KDM4B: variants seen among roughly 807,000 people sequenced by gnomAD.
KDM4B encodes lysine demethylase 4B.
A neutral mutation model predicts 125.2 loss-of-function variants in KDM4B; 32 were observed. The ratio of observed to expected loss-of-function variants is 0.26; its 90% CI spans 0.19 to 0.34. KDM4B has a LOEUF of 0.34. KDM4B is among the 10% of genes least tolerant of loss of function. The pLI, the probability that KDM4B is intolerant of heterozygous loss-of-function variation, is 1.00. For missense variants in KDM4B, 1,190 were observed against 1,577.7 expected, an observed-to-expected ratio of 0.75 and a Z score of 4.16; for synonymous variants, 721 against 677.9, an observed-to-expected ratio of 1.06 and a Z score of -0.99.
intron 2 of KDM4B, among the ~76,000 whole-genome samples, chr19:5,018,458 C>T (rs543720424): frequency 1.3e-5 from 2 of 152,328 alleles, no homozygotes; most frequent in African/African-American, 2.4e-5. Flanking sequence ...CTCCTGCTTC[C>T]GAAGGCCTGG....
chr19:4,972,729 A>C (rs934496647), intron 1 of KDM4B, among the ~76,000 whole-genome samples: 4 of 151,452 alleles, frequency 2.6e-5, no homozygotes, highest in Non-Finnish European at 5.9e-5. Flanking sequence ...TTTCCTCCCC[A>C]CTCACCCTTT....
At chr19:5,116,758 C>A (rs2039264132) in intron 10 of KDM4B, among the ~76,000 whole-genome samples, 1 of 152,166 alleles carries the variant, frequency 6.6e-6, no homozygotes, top group Non-Finnish European at 1.5e-5. Context: ...GCCCGAGTTG[C>A]TCTGTGGCTC....
At chr19:5,057,224 C>A (rs2037439417) in intron 6 of KDM4B, among the ~76,000 whole-genome samples, 1 of 152,180 alleles carries the variant, frequency 6.6e-6, no homozygotes, top group African/African-American at 2.4e-5. Context: ...TTGCCTCTCC[C>A]CTTTGCCAGG....
chr19:5,037,392 C>T (rs2036662740), intron 3 of KDM4B, among the ~76,000 whole-genome samples: 1 of 152,200 alleles, frequency 6.6e-6, no homozygotes, highest in African/African-American at 2.4e-5. Context: ...CCTTTCCACT[C>T]CTCAATGTCT....
chr19:5,136,136 C>T (rs1430425335), intron 15 of KDM4B, among the ~76,000 whole-genome samples: 1 of 152,236 alleles, frequency 6.6e-6, no homozygotes, highest in African/African-American at 2.4e-5. Flanking sequence ...ACAGTTCTGC[C>T]GAGTCTTCTC....
At chr19:5,083,684 A>G (rs1277978284) in intron 9 of KDM4B, among the ~76,000 whole-genome samples, 1 of 152,178 alleles carries the variant, frequency 6.6e-6, no homozygotes, top group Non-Finnish European at 1.5e-5. Context: ...TTCCCCGCAG[A>G]GACAGCCTCA....
chr19:4,988,245 C>T (rs537605209), intron 1 of KDM4B, among the ~76,000 whole-genome samples: 3 of 152,220 alleles, frequency 2.0e-5, no homozygotes, highest in Non-Finnish European at 2.9e-5. Context: ...TTCTGCTGGA[C>T]GCGCTGGAAA....
At chr19:5,094,927 A>G (rs2038788745) in intron 9 of KDM4B, among the ~76,000 whole-genome samples, 1 of 152,008 alleles carries the variant, frequency 6.6e-6, no homozygotes, top group Non-Finnish European at 1.5e-5. Flanking sequence ...GTCACCACAG[A>G]CAGTCCTGTC....
At chr19:5,048,509 C>T (rs1264042899) in intron 6 of KDM4B, among the ~76,000 whole-genome samples, 1 of 151,994 alleles carries the variant, frequency 6.6e-6, no homozygotes, top group Admixed American at 6.6e-5. Flanking sequence ...CCCAGGCCGT[C>T]CTCGCGCTGG....
At chr19:5,030,915 G>T (rs1189727844) in intron 2 of KDM4B, among the ~76,000 whole-genome samples, 2 of 152,258 alleles carry the variant, frequency 1.3e-5, no homozygotes, top group Non-Finnish European at 2.9e-5. Context: ...GCCTCTGAGG[G>T]CTGGGGACCA....
In KDM4B at chr19:5,142,652, C is replaced by G. The variant is rs1301996906; in HGVS notation, c.2551-1315C>G. ...CAGTGTCCAGGTGGGGCCTCTCCCC[C>G]ACCCCCAGGCTCCCCAGGGAGCACA... On this transcript the variant is annotated intron_variant, in intron 18 of 22. Transcript: ENST00000159111. The surrounding 1 kb of genome is among the most constrained non-coding windows in gnomAD (Gnocchi z 5.4). Among the ~76,000 whole-genome samples, 1 of 152,148 alleles carries G rather than the reference C, an allele frequency of 6.6e-6. No individual in the cohort carries two copies. The highest frequency in any genetic ancestry group is 2.4e-5 in the African/African-American group (1 of 41,448).
intron 7 of KDM4B, chr19:5,076,990 T>C (rs927547118): frequency 4.1e-6 from 1 of 242,420 alleles, no homozygotes; most frequent in African/African-American, 2.2e-5. Context: ...GTGTATGCCA[T>C]GGGTGGGCAC....
chr19:5,020,127 GTGT>G (rs1486514830), intron 2 of KDM4B, among the ~76,000 whole-genome samples: 56 of 110,732 alleles, frequency 5.1e-4, no homozygotes, highest in African/African-American at 1.4e-3. Context: ...TAGTGTGCAG[GTGT>G]TGGTGTGGAT....
At chr19:5,020,760 C>G (rs936541912) in intron 2 of KDM4B, among the ~76,000 whole-genome samples, 5 of 152,174 alleles carry the variant, frequency 3.3e-5, no homozygotes, top group East Asian at 1.9e-4. Flanking sequence ...GTTCAGGCCT[C>G]GTAACTTTTC....
chr19:5,047,438 G>GGCCGGGCGGTT (rs2037062108), intron 5 of KDM4B, 38 bp from the exon 6 acceptor site: 1 of 1,555,552 alleles, frequency 6.4e-7, no homozygotes, highest in Non-Finnish European at 8.7e-7. Context: ...TTCTGGGGGT[G>GGCCGGGCGGTT]GCCGGGCGGT....
chr19:5,072,678 C>A (rs557699617), intron 7 of KDM4B, among the ~76,000 whole-genome samples: 1 of 152,322 alleles, frequency 6.6e-6, no homozygotes, highest in African/African-American at 2.4e-5. Flanking sequence ...GTATTAGCAT[C>A]CTGAGGCTCC....
chr19:5,140,001 A>G (rs2039713377), intron 18 of KDM4B, among the ~76,000 whole-genome samples: 1 of 152,104 alleles, frequency 6.6e-6, no homozygotes, highest in African/African-American at 2.4e-5. Context: ...CTTGGGACAG[A>G]TTCCTCGACC....
At position 5,044,831 on chromosome 19, in the gene KDM4B, C is replaced by T. The variant is rs142150100; in HGVS notation, c.433-2645C>T. Among the ~76,000 whole-genome samples the T allele has an allele frequency of 9.9e-4, 150 of 152,240 alleles. 1 individual carries two copies. Among genetic ancestry groups the T allele is most frequent in the African/African-American group, 3.0e-3 (125 of 41,538 alleles). ...CATAGCTCAGCCTTTTCCAGAATGC[C>T]GTGAGCTGGAATCCTACAGTCGGTA... On this transcript the variant is annotated intron_variant, in intron 5 of 22. Transcript: ENST00000159111.
chr19:5,057,263 G>A (rs2037441289), intron 6 of KDM4B, among the ~76,000 whole-genome samples: 2 of 152,246 alleles, frequency 1.3e-5, no homozygotes, highest in Middle Eastern at 6.8e-3. Flanking sequence ...CGGGCAGTGA[G>A]GCTGTGTGTT....
Sources: allele counts gnomAD v4.1 joint callset (sites outside exome capture counted in the v4.1 genomes callset), GRCh38; gene constraint gnomAD v4.1.1; non-coding constraint Gnocchi (gnomAD v3.1); transcripts MANE v1.5; gene names NCBI Gene and HGNC (gene_info 2026-07-23, HGNC 2026-07-21).